The following RTKN2 variants were observed in gnomAD, a reference collection of about 807,000 sequenced individuals.
RTKN2 encodes the protein rhotekin 2.
Under a neutral mutation model 71.5 loss-of-function variants are expected in RTKN2, and 69 were observed. The ratio of observed to expected loss-of-function variants is 0.96; its 90% confidence interval spans 0.79 to 1.18. RTKN2 has a LOEUF of 1.18. Among genes scored for constraint, RTKN2 ranks in the 50% most tolerant of loss-of-function variants. The probability of loss-of-function intolerance (pLI) is 0.00; values close to 1 mark genes in which losing one functional copy is unlikely to be tolerated. For synonymous variants in RTKN2, 236 were observed against 236.5 expected (o/e 1.00, Z 0.02); for missense variants, 724 against 719.7 (o/e 1.01, Z -0.07).
intron 2 of RTKN2, among the ~76,000 whole-genome samples, chr10:62,259,705 C>T (rs1003514821): frequency 3.9e-5 from 6 of 152,154 alleles, no homozygotes; most frequent in African/African-American, 1.2e-4. Flanking sequence ...GCACATGCCA[C>T]CATGCCTGGC....
chr10:62,234,112 A>G (rs1842206895), intron 6 of RTKN2, among the ~76,000 whole-genome samples: 1 of 152,206 alleles, frequency 6.6e-6, no homozygotes, highest in East Asian at 1.9e-4. Context: ...AGAAAGCAAA[A>G]AAGCTATCAA....
intron 2 of RTKN2, among the ~76,000 whole-genome samples, chr10:62,260,299 C>A (rs1564530903): frequency 6.6e-6 from 1 of 152,198 alleles, no homozygotes. Flanking sequence ...TTCAGTATAT[C>A]TGCATAATTT....
At chr10:62,205,148 A>C in intron 9 of RTKN2, 126 bp from the exon 10 acceptor site, 1 of 727,024 alleles carries the variant, frequency 1.4e-6, no homozygotes, top group South Asian at 2.1e-5. Context: ...TGATCATTTG[A>C]AATTTAAAAC....
chr10:62,207,359 C>T (rs1012836595), intron 9 of RTKN2, among the ~76,000 whole-genome samples: 1 of 151,944 alleles, frequency 6.6e-6, no homozygotes, highest in East Asian at 1.9e-4. Context: ...CTGAAAGGTG[C>T]AAATGAAATG....
chr10:62,236,047 T>C lies in RTKN2; in HGVS notation c.686+19A>G. ...AAATGTATAATTATGTCACCATAAA[T>C]ACAGTATTAAAAACTTACAAAACAG... On this transcript the variant is annotated intron_variant, in intron 6 of 11. Transcript: ENST00000373789. The C allele has an allele frequency of 6.7e-7, 1 of 1,502,186 alleles. No homozygotes were observed. The highest frequency in any genetic ancestry group is 1.1e-5 in the South Asian group (1 of 88,334). 93.1% of individuals were successfully genotyped at this position (1,502,186 alleles called of 1,614,324 possible).
rs1842254291 is a variant in RTKN2, at chr10:62,236,155, T to A, written c.597A>T (p.Thr199=). 1 of 1,611,972 alleles carries A rather than the reference T, an allele frequency of 6.2e-7. No individual in the cohort carries two copies. The highest frequency in any genetic ancestry group is 2.2e-5 in the East Asian group (1 of 44,778). Residue 199 remains threonine, a synonymous_variant, in exon 6 of 12, where the codon ACA becomes ACT. Transcript: ENST00000373789. The part of the protein sequence containing the change: ...TPKKLAKKLK[T]SISKATGKKI... ...TCTTTCCTGTAGCTTTACTTATAGATGTCTTGAGTTTCTTAGCTAGCTTTT... is the reference window on the plus strand; with the variant it reads ...TCTTTCCTGTAGCTTTACTTATAGAAGTCTTGAGTTTCTTAGCTAGCTTTT...
rs551180013 is a variant in RTKN2 at position 62,225,112 on chromosome 10, A to C, written c.687-1780T>G. Among the ~76,000 whole-genome samples, 5 of 152,270 alleles carry C rather than the reference A, an allele frequency of 3.3e-5. No individual in the cohort carries two copies. In the South Asian group the frequency reaches 1.0e-3, roughly 32 times the overall value. ...TTGGCCTCTAAGGACCTGAACAAAC[A>C]CTAGCATTGTTTCTAGCAGCTCTAA... On this transcript the variant is annotated intron_variant, in intron 6 of 11. Coordinates refer to ENST00000373789, the MANE Select transcript of RTKN2 (RefSeq NM_145307.4).
intron 8 of RTKN2, among the ~76,000 whole-genome samples, chr10:62,184,618 G>A (rs1375281372): frequency 2.6e-5 from 4 of 152,178 alleles, no homozygotes; most frequent in African/African-American, 7.2e-5. Context: ...ACAGAGGCTG[G>A]ATATTCATGA....
intron 6 of RTKN2, among the ~76,000 whole-genome samples, chr10:62,234,029 G>A (rs938854497): frequency 2.6e-5 from 4 of 152,094 alleles, no homozygotes; most frequent in African/African-American, 4.8e-5. Context: ...AGGAAACCAC[G>A]CTCCTTGGAG....
At chr10:62,263,289 A>T (rs1842809245) in intron 1 of RTKN2, among the ~76,000 whole-genome samples, 1 of 152,206 alleles carries the variant, frequency 6.6e-6, no homozygotes, top group African/African-American at 2.4e-5. Context: ...ATGTGAAGAC[A>T]GAGACTAATA....
rs114306941 is a variant in RTKN2 at position 62,245,617 on chromosome 10, G to T, written c.316+382C>A. On this transcript the variant is annotated intron_variant, in intron 3 of 11. Coordinates refer to ENST00000373789, the MANE Select transcript of RTKN2 (RefSeq NM_145307.4). ...ATAAACATGGTACCAAAACCTCATG[G>T]AACTTCTGACCTAGACAAAACATTA... Among the ~76,000 whole-genome samples the T allele has an allele frequency of 2.7e-3, 405 of 152,222 alleles. 2 individuals carry two copies. Among genetic ancestry groups the T allele is most frequent in the African/African-American group, 9.3e-3 (388 of 41,542 alleles).
chr10:62,240,374 T>C (rs780991280), intron 4 of RTKN2, among the ~76,000 whole-genome samples: 1 of 152,150 alleles, frequency 6.6e-6, no homozygotes, highest in Non-Finnish European at 1.5e-5. Context: ...TCCTCATTAT[T>C]GAGAAAATGT....
Position 62,217,144 on chromosome 10 carries a change from G to C in RTKN2, c.994C>G (p.Pro332Ala). Residue 332 changes from proline (P) to alanine (A), a missense_variant, in exon 9 of 12, where the codon CCA becomes GCA. By Grantham distance (27) the Pro-to-Ala change is conservative (BLOSUM62 -1). Coordinates refer to ENST00000373789, the MANE Select transcript of RTKN2 (RefSeq NM_145307.4). ...TTGTTAATGGGTACTACCAAAGCTG[G>C]TTCCACTTTAGCTTCAATTTCCTCT... ...SPEEIEAKVE[P>A]ALVVPINKET... 4 of 1,583,384 alleles carry C rather than the reference G, an allele frequency of 2.5e-6. No homozygotes were observed. The highest frequency in any genetic ancestry group is 3.4e-6 in the Non-Finnish European group (4 of 1,167,626).
chr10:62,217,072 A>G (rs1841784479), intron 9 of RTKN2, 46 bp downstream of exon 9: 2 of 1,447,816 alleles, frequency 1.4e-6, no homozygotes, highest in East Asian at 2.4e-5. Context: ...ACAAAAACAA[A>G]CTTCCTAAGA....
Position 62,268,691 on chromosome 10 carries a change from G to C in RTKN2, c.-81C>G. 7.0e-7 allele frequency: 1 copy of C among 1,420,690 alleles called. No homozygotes were observed. The highest frequency in any genetic ancestry group is 9.6e-7 in the Non-Finnish European group (1 of 1,040,112). The allele number at this position is 1,420,690 out of a possible 1,614,324, so 88.0% of individuals were successfully genotyped here. A position where few individuals can be genotyped will look rare whatever the true frequency, so the allele number is the denominator to read the frequency against. On this transcript the variant is annotated 5_prime_UTR_variant, in exon 1 of 12. Coordinates refer to ENST00000373789, the MANE Select transcript of RTKN2 (RefSeq NM_145307.4). ...GCCCGCCCCTGGCAGGAGCCGCAGA[G>C]GACGCCAACCGCCCGGCCGTACCAA...
intron 1 of RTKN2, among the ~76,000 whole-genome samples, chr10:62,268,278 G>C (rs1487922167): frequency 6.6e-6 from 1 of 152,254 alleles, no homozygotes; most frequent in African/African-American, 2.4e-5. Context: ...GCCTGGGGAG[G>C]GCAGCGGACA....
At chr10:62,248,536 C>A (rs1373587130) in intron 2 of RTKN2, among the ~76,000 whole-genome samples, 1 of 152,016 alleles carries the variant, frequency 6.6e-6, no homozygotes, top group Non-Finnish European at 1.5e-5. Context: ...CACAAAATTA[C>A]CAAAACAAAG....
chr10:62,246,828 G>C (rs1842487193), intron 2 of RTKN2, among the ~76,000 whole-genome samples: 1 of 150,922 alleles, frequency 6.6e-6, no homozygotes, highest in Admixed American at 6.6e-5. Flanking sequence ...GGAAATTCTG[G>C]GGATATAAGA....
exon 9 of RTKN2, chr10:62,184,273 CATTGT>C: frequency 8.5e-7 from 1 of 1,177,642 alleles, no homozygotes; most frequent in South Asian, 1.4e-5. Context: ...AGAAATGTCA[CATTGT>C]ATTTTAAATT....
Sources: gnomAD v4.1 joint callset for allele counts (sites outside exome capture counted in the v4.1 genomes callset) on GRCh38, gnomAD v4.1.1 for gene constraint, MANE v1.5 for transcripts, NCBI Gene and HGNC (gene_info 2026-07-23, HGNC 2026-07-21) for gene names.